IFT43: variants seen among roughly 807,000 people sequenced by gnomAD.
IFT43 encodes the protein intraflagellar transport protein 43 homolog.
IFT43 carries 33 observed loss-of-function variants against 32.3 expected under a neutral mutation model. That is an observed-to-expected ratio of 1.02 (90% CI 0.77 to 1.37). The LOEUF is 1.37. Among genes scored for constraint, IFT43 ranks in the 40% most tolerant of loss-of-function variants. The pLI is 0.00. For synonymous variants in IFT43, 93 were observed against 98.2 expected (o/e 0.95, Z 0.31); for missense variants, 274 against 265.9 (o/e 1.03, Z -0.21).
intron 2 of IFT43, among the ~76,000 whole-genome samples, chr14:75,999,279 ATATTTTTTTT>A (rs2035836431): frequency 2.4e-4 from 5 of 20,670 alleles, no homozygotes; most frequent in African/African-American, 6.0e-4. Flanking sequence ...ATATGTATAT[ATATTTTTTTT>A]TTTTTTTTTT....
At chr14:76,076,736 C>G (rs150807163) in intron 5 of IFT43, 1 of 1,610,646 alleles carries the variant, frequency 6.2e-7, no homozygotes, top group African/African-American at 1.3e-5. Flanking sequence ...AAGGATCCTT[C>G]TGGGACTTTG....
chr14:76,065,223 T>C (rs986403544), intron 5 of IFT43, among the ~76,000 whole-genome samples: 5 of 152,214 alleles, frequency 3.3e-5, no homozygotes, highest in Admixed American at 6.5e-5. Context: ...TCTGCTGTCA[T>C]GCCCCAGTGT....
chr14:76,075,584 T>A (rs1484708886), intron 5 of IFT43, among the ~76,000 whole-genome samples: 1 of 152,260 alleles, frequency 6.6e-6, no homozygotes, highest in Non-Finnish European at 1.5e-5. Flanking sequence ...TTGATGTCTC[T>A]CTGACAAGAC....
intron 5 of IFT43, among the ~76,000 whole-genome samples, chr14:76,062,917 C>CAAAAAAAAA (rs746158153): frequency 1.8e-4 from 13 of 72,452 alleles, no homozygotes; most frequent in African/African-American, 2.4e-4. Flanking sequence ...GATCCCATCT[C>CAAAAAAAAA]AAAAAAAAAA....
intron 3 of IFT43, chr14:76,058,199 A>C (rs1044670777): frequency 4.0e-6 from 1 of 247,684 alleles, no homozygotes; most frequent in Non-Finnish European, 7.9e-6. Context: ...AGCAGTTCCA[A>C]AGTCTGAAGC....
chr14:76,040,355 C>A (rs2036683977), intron 3 of IFT43, among the ~76,000 whole-genome samples: 1 of 152,200 alleles, frequency 6.6e-6, no homozygotes, highest in Non-Finnish European at 1.5e-5. Context: ...ACTGAAAAAA[C>A]CAGACTTCTA....
At chr14:75,990,699 G>A (rs147840871) in intron 2 of IFT43, among the ~76,000 whole-genome samples, 4 of 152,140 alleles carry the variant, frequency 2.6e-5, no homozygotes, top group Non-Finnish European at 5.9e-5. Context: ...GTAGGAATTT[G>A]GTGAAAGAAG....
Position 76,036,836 on chromosome 14 carries a change from T to C in IFT43, c.215+14442T>C, listed in dbSNP as rs551110282. On this transcript the variant is annotated intron_variant, in intron 3 of 8. Transcript: ENST00000314067. ...CCTCCCTCTGTCCCTCCCTCCCTCCTTCTTTTTTAGAAACAGGATCTTGCT... is the reference window on the plus strand; with the variant it reads ...CCTCCCTCTGTCCCTCCCTCCCTCCCTCTTTTTTAGAAACAGGATCTTGCT... 1.6e-4 allele frequency among the ~76,000 whole-genome samples: 23 copies of C among 146,480 alleles called. No individual in the cohort carries two copies. In the South Asian group the frequency reaches 3.1e-3, roughly 20 times the overall value.
chr14:76,021,263 T>C (rs1594822223), intron 2 of IFT43, among the ~76,000 whole-genome samples: 1 of 152,146 alleles, frequency 6.6e-6, no homozygotes, highest in African/African-American at 2.4e-5. Context: ...CTGGCAGCAG[T>C]GGCAGGGGTT....
chr14:76,074,142 A>G (rs2037371748), intron 5 of IFT43, among the ~76,000 whole-genome samples: 1 of 152,206 alleles, frequency 6.6e-6, no homozygotes, highest in Non-Finnish European at 1.5e-5. Context: ...TCAGTGTAAC[A>G]TGAAGAGGAT....
At position 76,083,586 on chromosome 14, in the gene IFT43, C is replaced by T; in HGVS notation, c.*9C>T. On this transcript the variant is annotated 3_prime_UTR_variant, in exon 9 of 9. Transcript: ENST00000314067. ...AGGCCAGGCACACCTGAGCCCGTCA[C>T]CCATGCTCTAGACATGAAGAAATGC... 6.2e-7 allele frequency: 1 copy of T among 1,613,666 alleles called. No homozygotes were observed. Among genetic ancestry groups the T allele is most frequent in the Non-Finnish European group, 8.5e-7 (1 of 1,179,954 alleles).
chr14:76,045,099 T>C (rs1431281064), intron 3 of IFT43, among the ~76,000 whole-genome samples: 5 of 152,242 alleles, frequency 3.3e-5, no homozygotes, highest in African/African-American at 1.2e-4. Context: ...GTCATCTGTA[T>C]TTAGATGAAG....
chr14:75,993,800 C>T (rs977541446), intron 2 of IFT43, among the ~76,000 whole-genome samples: 1 of 152,160 alleles, frequency 6.6e-6, no homozygotes, highest in Non-Finnish European at 1.5e-5. Flanking sequence ...ATCAGATATG[C>T]ATTCTAGGTG....
chr14:76,026,428 C>T (rs956791527), intron 3 of IFT43, among the ~76,000 whole-genome samples: 3 of 151,742 alleles, frequency 2.0e-5, no homozygotes, highest in African/African-American at 4.8e-5. Flanking sequence ...CATGGTGGCA[C>T]GTGTCTGTAA....
intron 5 of IFT43, among the ~76,000 whole-genome samples, chr14:76,069,247 A>G (rs2037277955): frequency 6.6e-6 from 1 of 152,158 alleles, no homozygotes. Flanking sequence ...AACAACCAGA[A>G]TTCACTATCT....
intron 3 of IFT43, chr14:76,022,697 T>TTC (rs1195848830): frequency 8.7e-6 from 2 of 228,884 alleles, no homozygotes; most frequent in African/African-American, 2.3e-5. Flanking sequence ...CCAGTCAACT[T>TTC]TCTCTCTCTC....
At chr14:76,069,599 A>G (rs1031616021) in intron 5 of IFT43, among the ~76,000 whole-genome samples, 7 of 152,228 alleles carry the variant, frequency 4.6e-5, no homozygotes, top group Non-Finnish European at 1.0e-4. Context: ...AAGATGAAGA[A>G]TGTTCAGGTG....
chr14:76,019,492 T>C (rs1352849590), intron 2 of IFT43, among the ~76,000 whole-genome samples: 1 of 152,164 alleles, frequency 6.6e-6, no homozygotes, highest in East Asian at 1.9e-4. Flanking sequence ...CCTGTTGTTT[T>C]TTTGAATTTT....
At chr14:76,069,543 G>A (rs1374265156) in intron 5 of IFT43, among the ~76,000 whole-genome samples, 1 of 151,830 alleles carries the variant, frequency 6.6e-6, no homozygotes, top group African/African-American at 2.4e-5. Flanking sequence ...CTGAAGATGG[G>A]CATTGAGAGG....
Sources: allele counts gnomAD v4.1 joint callset (sites outside exome capture counted in the v4.1 genomes callset), GRCh38; gene constraint gnomAD v4.1.1; transcripts MANE v1.5; gene names NCBI Gene and HGNC (gene_info 2026-07-23, HGNC 2026-07-21).